Variants in NXPH1 observed in about 807,000 individuals in gnomAD.
NXPH1 encodes neurexophilin 1.
In NXPH1, 5 loss-of-function variants were observed where a neutral mutation model predicts 23.7. The ratio of observed to expected loss-of-function variants is 0.21; its 90% CI spans 0.11 to 0.44. NXPH1 has a LOEUF of 0.44. Ranked by LOEUF, NXPH1 falls within the 20% of genes least tolerant of loss-of-function variation. The pLI is 0.99. For missense variants in NXPH1, 324 were observed against 321.6 expected (o/e 1.01, Z -0.06); for synonymous variants, 144 against 122.2 (o/e 1.18, Z -1.18).
intron 2 of NXPH1, among the ~76,000 whole-genome samples, chr7:8,533,029 C>CATTTAAAAAG (rs1817972638): frequency 6.6e-6 from 1 of 151,924 alleles, no homozygotes; most frequent in African/African-American, 2.4e-5. Flanking sequence ...ACATGTATTC[C>CATTTAAAAAG]CTCTTTTTAA....
intron 2 of NXPH1, among the ~76,000 whole-genome samples, chr7:8,632,289 A>C (rs181937630): frequency 6.8e-4 from 104 of 152,304 alleles, no homozygotes; most frequent in Middle Eastern, 6.8e-3. Flanking sequence ...AAGATTTAAA[A>C]CATCTCATGG....
intron 2 of NXPH1, among the ~76,000 whole-genome samples, chr7:8,473,305 T>C (rs2128608682): frequency 6.6e-6 from 1 of 152,288 alleles, no homozygotes; most frequent in Non-Finnish European, 1.5e-5. Flanking sequence ...GTTAGTTGTT[T>C]CAATGCATTA....
intron 2 of NXPH1, among the ~76,000 whole-genome samples, chr7:8,457,800 A>G (rs1355384113): frequency 3.3e-5 from 5 of 152,106 alleles, no homozygotes. Flanking sequence ...TGTGTTTAAG[A>G]TCAAGGTTGG....
chr7:8,438,986 A>G (rs1243240453), intron 2 of NXPH1, among the ~76,000 whole-genome samples: 3 of 152,210 alleles, frequency 2.0e-5, no homozygotes, highest in Admixed American at 1.3e-4. Flanking sequence ...CTCCAGCCAT[A>G]AATGCATGGG....
At chr7:8,710,570 C>A (rs1264538707) in intron 2 of NXPH1, among the ~76,000 whole-genome samples, 2 of 147,766 alleles carry the variant, frequency 1.4e-5, no homozygotes, top group Non-Finnish European at 3.0e-5. Context: ...AGGCCAAAAT[C>A]AACTGCCAAA....
At chr7:8,611,951 T>C (rs189528467) in intron 2 of NXPH1, among the ~76,000 whole-genome samples, 2 of 152,204 alleles carry the variant, frequency 1.3e-5, no homozygotes, top group African/African-American at 4.8e-5. Flanking sequence ...CATGTAACAC[T>C]AGAAGGAAAT....
chr7:8,568,351 C>G (rs947201789), intron 2 of NXPH1, among the ~76,000 whole-genome samples: 2 of 151,840 alleles, frequency 1.3e-5, no homozygotes, highest in African/African-American at 4.8e-5. Context: ...CCTCCTGATG[C>G]TATGATTTTT....
At chr7:8,531,569 C>T (rs115230958) in intron 2 of NXPH1, among the ~76,000 whole-genome samples, 1,572 of 152,278 alleles carry the variant, frequency 0.01, 25 homozygotes, top group African/African-American at 0.036. Context: ...CACTTACTTA[C>T]TAACACCTGA....
intron 2 of NXPH1, among the ~76,000 whole-genome samples, chr7:8,628,597 AAAG>A (rs1277086982): frequency 6.6e-5 from 10 of 152,048 alleles, no homozygotes; most frequent in African/African-American, 2.4e-4. Context: ...TATAAAAAAA[AAAG>A]AACTGGGGGG....
intron 2 of NXPH1, among the ~76,000 whole-genome samples, chr7:8,649,690 GT>G (rs1820459875): frequency 6.6e-6 from 1 of 152,128 alleles, no homozygotes; most frequent in South Asian, 2.1e-4. Context: ...GGAGTTTGAA[GT>G]TTAGCAGATG....
At chr7:8,744,170 C>A (rs1007890881) in intron 2 of NXPH1, among the ~76,000 whole-genome samples, 3 of 152,122 alleles carry the variant, frequency 2.0e-5, no homozygotes, top group Non-Finnish European at 4.4e-5. Flanking sequence ...TCAAAAGAAT[C>A]ATATATTTAA....
intron 2 of NXPH1, among the ~76,000 whole-genome samples, chr7:8,670,444 T>A (rs1310464297): frequency 6.6e-6 from 1 of 152,238 alleles, no homozygotes. Context: ...AATTTATGAC[T>A]TTTTGTAACT....
intron 2 of NXPH1, among the ~76,000 whole-genome samples, chr7:8,683,328 A>G (rs1562453636): frequency 6.6e-6 from 1 of 152,220 alleles, no homozygotes; most frequent in Non-Finnish European, 1.5e-5. Context: ...TGACATTTCA[A>G]TACGAGATTT....
chr7:8,513,748 A>G (rs879577971), intron 2 of NXPH1, among the ~76,000 whole-genome samples: 2 of 152,110 alleles, frequency 1.3e-5, no homozygotes, highest in Non-Finnish European at 1.5e-5. Flanking sequence ...AAGGCTTTCA[A>G]GAGAACCACC....
At chr7:8,472,468 A>G (rs1464065437) in intron 2 of NXPH1, among the ~76,000 whole-genome samples, 6 of 152,110 alleles carry the variant, frequency 3.9e-5, no homozygotes, top group Non-Finnish European at 7.4e-5. Flanking sequence ...GGTTTGTCCA[A>G]AGTCACCCTG....
chr7:8,456,201 T>G (rs1335402865), intron 2 of NXPH1, among the ~76,000 whole-genome samples: 1 of 152,150 alleles, frequency 6.6e-6, no homozygotes, highest in African/African-American at 2.4e-5. Context: ...CCCATCTACA[T>G]AAAGTTAAAG....
chr7:8,515,807 C>T (rs1817677555), intron 2 of NXPH1, among the ~76,000 whole-genome samples: 1 of 152,140 alleles, frequency 6.6e-6, no homozygotes, highest in Non-Finnish European at 1.5e-5. Flanking sequence ...GAACATGAAT[C>T]TGATCACATC....
intron 2 of NXPH1, among the ~76,000 whole-genome samples, chr7:8,706,431 A>C (rs1301640096): frequency 6.6e-6 from 1 of 152,156 alleles, no homozygotes. Flanking sequence ...TCATGGGGGA[A>C]TTTCTTAGGA....
intron 2 of NXPH1, among the ~76,000 whole-genome samples, chr7:8,625,607 C>A (rs17151624): frequency 0.26 from 40,246 of 151,980 alleles, 5,823 homozygotes; most frequent in African/African-American, 0.36. Context: ...GGATAGTGTT[C>A]CATTAGAAAT....
Sources: allele counts gnomAD v4.1 joint callset (sites outside exome capture counted in the v4.1 genomes callset), GRCh38; gene constraint gnomAD v4.1.1; transcripts MANE v1.5; gene names NCBI Gene and HGNC (gene_info 2026-07-23, HGNC 2026-07-21).